The following MCF2L2 variants were observed in gnomAD, a reference collection of about 807,000 sequenced individuals.
The protein encoded by MCF2L2 is MCF.2 cell line derived transforming sequence-like 2.
In MCF2L2, 102 loss-of-function variants were observed where a neutral mutation model predicts 150.2. That is an observed-to-expected ratio of 0.68 (90% CI 0.58 to 0.80). The LOEUF (loss-of-function observed/expected upper bound fraction) is 0.80, where lower values mean the gene tolerates loss of function less well. MCF2L2 is among the 30% of genes least tolerant of loss of function. The pLI is 0.00. For missense variants in MCF2L2, 1,256 were observed against 1,372.8 expected (o/e 0.91, Z 1.34); for synonymous variants, 465 against 491.3 (o/e 0.95, Z 0.71).
chr3:183,356,385 C>A (rs1168152574), intron 3 of MCF2L2, among the ~76,000 whole-genome samples: 2 of 152,064 alleles, frequency 1.3e-5, no homozygotes, highest in African/African-American at 4.8e-5. Flanking sequence ...TGGTGGCATG[C>A]ACCTGTAGTC....
intron 25 of MCF2L2, among the ~76,000 whole-genome samples, chr3:183,200,462 T>C (rs530734794): frequency 6.6e-6 from 1 of 152,362 alleles, no homozygotes; most frequent in Non-Finnish European, 1.5e-5. Context: ...TGCCCACTTT[T>C]TGATGGGGTT....
At position 183,317,837 on chromosome 3, in the gene MCF2L2, A is replaced by AAGACTCACTCACCACCCAGTCTCAAG. The variant is rs533424370; in HGVS notation, c.753+205_753+230dup. Among the ~76,000 whole-genome samples the AAGACTCACTCACCACCCAGTCTCAAG allele has an allele frequency of 3.3e-3, 506 of 151,770 alleles. 2 individuals carry two copies. Among genetic ancestry groups the AAGACTCACTCACCACCCAGTCTCAAG allele is most frequent in the African/African-American group, 0.012 (482 of 41,282 alleles). On this transcript the variant is annotated intron_variant, in intron 7 of 29. Coordinates refer to ENST00000328913, the MANE Select transcript of MCF2L2 (RefSeq NM_015078.4). Reference sequence around the variant, plus strand: ...TTCTTCACTCACCACCCAGTCTCAAAAGACTCACTCACCACCCAGTCTCAA... The same window carrying AAGACTCACTCACCACCCAGTCTCAAG: ...TTCTTCACTCACCACCCAGTCTCAAAAGACTCACTCACCACCCAGTCTCAAGAGACTCACTCACCACCCAGTCTCAA...
At chr3:183,251,002 C>A (rs1339301636) in intron 15 of MCF2L2, among the ~76,000 whole-genome samples, 1 of 152,240 alleles carries the variant, frequency 6.6e-6, no homozygotes, top group Admixed American at 6.5e-5. Flanking sequence ...CCCTTGCAGG[C>A]AGGTATTACT....
In MCF2L2 at chr3:183,384,228, C is replaced by T. The variant is rs137895426; in HGVS notation, c.161-4817G>A. On this transcript the variant is annotated intron_variant, in intron 2 of 29. Transcript: ENST00000328913. Reference sequence around the variant, plus strand: ...ATCTTGCTTCTAACATCCAAGCTCTCCTTGTTCATTCCTGGGCGTAGGCTG... The same window carrying T: ...ATCTTGCTTCTAACATCCAAGCTCTTCTTGTTCATTCCTGGGCGTAGGCTG... Among the ~76,000 whole-genome samples the T allele has an allele frequency of 4.4e-3, 671 of 152,334 alleles. 4 individuals are homozygous for T. Among genetic ancestry groups the T allele is most frequent in the African/African-American group, 0.015 (641 of 41,574 alleles).
At chr3:183,264,139 G>C (rs993201135) in intron 15 of MCF2L2, among the ~76,000 whole-genome samples, 3 of 152,100 alleles carry the variant, frequency 2.0e-5, no homozygotes, top group Non-Finnish European at 4.4e-5. Flanking sequence ...GCTGCTTTCT[G>C]TACCCCCCTA....
chr3:183,278,199 T>A (rs969036738), intron 14 of MCF2L2, among the ~76,000 whole-genome samples: 3,389 of 148,958 alleles, frequency 0.023, 134 homozygotes, highest in African/African-American at 0.077. Context: ...AAAAAATATA[T>A]ATATATATAT....
chr3:183,250,586 CAAAAAAAGAAAAAAA>C (rs1724472407), intron 15 of MCF2L2, among the ~76,000 whole-genome samples: 1 of 119,216 alleles, frequency 8.4e-6, no homozygotes, highest in Non-Finnish European at 1.8e-5. Flanking sequence ...TACTTCGTTT[CAAAAAAAGAAAAAAA>C]AAAAAAAGAA....
chr3:183,256,353 C>A (rs548370812), intron 15 of MCF2L2, among the ~76,000 whole-genome samples: 1 of 152,146 alleles, frequency 6.6e-6, no homozygotes, highest in African/African-American at 2.4e-5. Context: ...TATGCAATAT[C>A]TAATTATTAT....
chr3:183,253,420 G>A (rs1468632780), intron 15 of MCF2L2: 1 of 152,244 alleles, frequency 6.6e-6, no homozygotes, highest in East Asian at 1.9e-4. Flanking sequence ...AGCTGGGCTT[G>A]AACTTCGTGA....
chr3:183,413,438 C>T (rs1715424610), intron 1 of MCF2L2, among the ~76,000 whole-genome samples: 1 of 152,172 alleles, frequency 6.6e-6, no homozygotes, highest in Admixed American at 6.5e-5. Flanking sequence ...TCCCATGGGT[C>T]TTACAATGCA....
intron 27 of MCF2L2, among the ~76,000 whole-genome samples, chr3:183,190,382 A>AC (rs1392409484): frequency 6.6e-6 from 1 of 152,142 alleles, no homozygotes; most frequent in Non-Finnish European, 1.5e-5. Flanking sequence ...CCATTCTGGG[A>AC]CCCCTCCTGC....
At chr3:183,400,649 C>G (rs557689401) in intron 1 of MCF2L2, 70 of 324,152 alleles carry the variant, frequency 2.2e-4, no homozygotes, top group African/African-American at 1.4e-3. Flanking sequence ...TTGGTGAGTG[C>G]TCACAGGATT....
At chr3:183,318,299 G>A in intron 6 of MCF2L2, 82 bp from the exon 7 acceptor site, 4 of 1,481,520 alleles carry the variant, frequency 2.7e-6, no homozygotes, top group Non-Finnish European at 3.8e-6. Flanking sequence ...AACAGATTTA[G>A]TTGATAAAAT....
chr3:183,423,714 C>T (rs1301572494), intron 1 of MCF2L2, among the ~76,000 whole-genome samples: 1 of 148,142 alleles, frequency 6.8e-6, no homozygotes, highest in Admixed American at 6.8e-5. Context: ...TCTCAGCTCA[C>T]CGCAACCTCC....
chr3:183,392,930 A>C (rs1236033859), intron 1 of MCF2L2, among the ~76,000 whole-genome samples: 2 of 152,184 alleles, frequency 1.3e-5, no homozygotes, highest in African/African-American at 4.8e-5. Context: ...ATGGGAAAGG[A>C]TCTGCTTCAG....
At chr3:183,368,261 T>A (rs902201357) in intron 3 of MCF2L2, among the ~76,000 whole-genome samples, 1 of 152,214 alleles carries the variant, frequency 6.6e-6, no homozygotes, top group Admixed American at 6.5e-5. Context: ...TAAAAAGTCC[T>A]CCAAGTGATT....
intron 27 of MCF2L2, among the ~76,000 whole-genome samples, chr3:183,183,602 CAT>C (rs1435991741): frequency 2.6e-5 from 4 of 152,242 alleles, no homozygotes; most frequent in African/African-American, 9.6e-5. Context: ...ACCTCTTGAG[CAT>C]CAGCTTCCTT....
chr3:183,400,030 T>C (rs188548289), intron 1 of MCF2L2, among the ~76,000 whole-genome samples: 1 of 152,332 alleles, frequency 6.6e-6, no homozygotes, highest in Admixed American at 6.5e-5. Context: ...AGTGCACATA[T>C]ATGTATGTGC....
intron 1 of MCF2L2, among the ~76,000 whole-genome samples, chr3:183,411,921 A>G (rs1715332442): frequency 1.3e-5 from 2 of 152,216 alleles, no homozygotes; most frequent in South Asian, 4.1e-4. Flanking sequence ...TAGTATGGCA[A>G]ACTCTGTAAC....
Sources: allele counts gnomAD v4.1 joint callset (sites outside exome capture counted in the v4.1 genomes callset), GRCh38; gene constraint gnomAD v4.1.1; transcripts MANE v1.5; gene names NCBI Gene and HGNC (gene_info 2026-07-23, HGNC 2026-07-21).